The following ZDHHC11 variants were observed in gnomAD, a reference collection of about 807,000 sequenced individuals.
ZDHHC11 encodes zDHHC palmitoyltransferase 11.
Under a neutral mutation model 51.3 loss-of-function variants are expected in ZDHHC11, and 44 were observed. That is an observed-to-expected ratio of 0.86 (90% confidence interval 0.67 to 1.10). The LOEUF (loss-of-function observed/expected upper bound fraction) is 1.10, where lower values mean the gene tolerates loss of function less well. Ranked by LOEUF, ZDHHC11 falls within the 50% of genes least tolerant of loss-of-function variation. The pLI, the probability that ZDHHC11 is intolerant of heterozygous loss-of-function variation, is 0.00. For missense variants in ZDHHC11, 400 were observed against 537.7 expected (o/e 0.74, Z 2.53); for synonymous variants, 163 against 222.0 (o/e 0.73, Z 2.36).
In ZDHHC11 at chr5:840,124, G is replaced by C. The variant is rs541122309; in HGVS notation, c.784+371C>G. On this transcript the variant is annotated intron_variant, in intron 5 of 12. Transcript: ENST00000283441. ...GTTAGAATTTCTACTTGTGTTTTTG[G>C]AAGTCCACCTGTCCTTATTTCATAA... The C allele has an allele frequency of 1.5e-4, 89 of 610,248 alleles. 1 individual carries two copies. Among genetic ancestry groups the C allele is most frequent in the African/African-American group, 1.5e-3 (79 of 54,200 alleles). The allele number at this position is 610,248 out of a possible 1,614,324, so 37.8% of individuals were successfully genotyped here. A position where few individuals can be genotyped will look rare whatever the true frequency, so the allele number is the denominator to read the frequency against.
intron 1 of ZDHHC11, chr5:849,860 T>C (rs1431376075): frequency 6.3e-6 from 1 of 157,806 alleles, no homozygotes; most frequent in Non-Finnish European, 1.4e-5. Flanking sequence ...AGGGGTGGAG[T>C]GCGGGGCCCT....
At chr5:803,968 GATT>G (rs1738866366) in intron 11 of ZDHHC11, among the ~76,000 whole-genome samples, 11 of 148,654 alleles carry the variant, frequency 7.4e-5, no homozygotes, top group African/African-American at 1.2e-4. Flanking sequence ...AAAAAAAAAA[GATT>G]AAGGAAGATG....
At chr5:812,473 C>T (rs1436445458) in intron 11 of ZDHHC11, among the ~76,000 whole-genome samples, 2 of 151,468 alleles carry the variant, frequency 1.3e-5, no homozygotes, top group South Asian at 4.2e-4. Flanking sequence ...AAGAGAATGA[C>T]AATATGTTCA....
At chr5:860,147 G>A (rs1392137741), upstream of ZDHHC11, among the ~76,000 whole-genome samples, 3 of 152,218 alleles carry the variant, frequency 2.0e-5, no homozygotes, top group African/African-American at 4.8e-5. This position sits in a 1 kb window ranked among gnomAD's most constrained non-coding sequence, Gnocchi z 4.2. Context: ...CAGCTGGGCT[G>A]GGGCGGGTGC....
At chr5:856,531 TCACACAC>T (rs1438375552) in intron 1 of ZDHHC11, among the ~76,000 whole-genome samples, 1 of 132,608 alleles carries the variant, frequency 7.5e-6, no homozygotes, top group East Asian at 2.3e-4. Context: ...ACAAAACAGA[TCACACAC>T]CACACAACTC....
intron 8 of ZDHHC11, chr5:823,923 G>T (rs1208134389): frequency 4.6e-5 from 18 of 390,178 alleles, no homozygotes; most frequent in African/African-American, 3.7e-4. Flanking sequence ...GTGGGCTGGG[G>T]GCTCAATCGA....
upstream of ZDHHC11, among the ~76,000 whole-genome samples, chr5:859,461 C>A (rs1748675039): frequency 6.6e-6 from 1 of 152,000 alleles, no homozygotes; most frequent in Non-Finnish European, 1.5e-5. Context: ...TAAAAAAAAA[C>A]ACCTAAAACC....
chr5:843,327 T>A, intron 4 of ZDHHC11: 2 of 554,814 alleles, frequency 3.6e-6, no homozygotes, highest in South Asian at 2.0e-5. Context: ...GGGGCAGAGG[T>A]GGACCCCACT....
At chr5:852,915 C>T (rs1747484426), upstream of ZDHHC11, among the ~76,000 whole-genome samples, 1 of 148,470 alleles carries the variant, frequency 6.7e-6, no homozygotes, top group Admixed American at 6.7e-5. Flanking sequence ...GGACAGACCC[C>T]GCGGAGGACA....
At chr5:854,665 G>GC (rs1466376314), upstream of ZDHHC11, among the ~76,000 whole-genome samples, 6 of 150,160 alleles carry the variant, frequency 4.0e-5, no homozygotes, top group South Asian at 4.2e-4. Context: ...AGGACAGTGA[G>GC]CTGGGGGCAC....
chr5:846,103 G>A (rs892429537), intron 3 of ZDHHC11, among the ~76,000 whole-genome samples: 1 of 150,432 alleles, frequency 6.6e-6, no homozygotes. Context: ...CTTCTCCAGG[G>A]GAGGAGGCCG....
At chr5:849,002 C>G (rs1007872299) in intron 1 of ZDHHC11, among the ~76,000 whole-genome samples, 2 of 151,972 alleles carry the variant, frequency 1.3e-5, no homozygotes, top group African/African-American at 2.4e-5. Flanking sequence ...TCACATGGCC[C>G]TGCTCATCCA....
intron 10 of ZDHHC11, chr5:816,902 C>G (rs534604313): frequency 6.5e-5 from 28 of 429,042 alleles, no homozygotes; most frequent in Middle Eastern, 4.8e-4. Context: ...AAGTCTATGG[C>G]TGAATTTTTC....
At chr5:847,420 A>G (rs1746427028) in intron 3 of ZDHHC11, 94 bp downstream of exon 3, 2 of 1,546,544 alleles carry the variant, frequency 1.3e-6, no homozygotes, top group Non-Finnish European at 1.8e-6. Context: ...AGGACCCTCC[A>G]CCCTTTCAAC....
intron 8 of ZDHHC11, among the ~76,000 whole-genome samples, chr5:823,118 T>C (rs71593350): frequency 0.013 from 1,956 of 147,400 alleles, 38 homozygotes; most frequent in African/African-American, 0.048. Flanking sequence ...ATGGAAGAAA[T>C]AATTTTAAAT....
At chr5:820,199 GT>G (rs1741388104) in intron 9 of ZDHHC11, among the ~76,000 whole-genome samples, 1 of 150,874 alleles carries the variant, frequency 6.6e-6, no homozygotes, top group Non-Finnish European at 1.5e-5. Context: ...AAGCATTTTT[GT>G]ATTTTACTTA....
intron 11 of ZDHHC11, among the ~76,000 whole-genome samples, chr5:808,140 C>T (rs1297351219): frequency 6.7e-6 from 1 of 150,212 alleles, no homozygotes; most frequent in Non-Finnish European, 1.5e-5. Flanking sequence ...CCTTCTGAAT[C>T]TCTGGTGCCA....
chr5:797,881 T>C lies in ZDHHC11; in HGVS notation c.*8-1301A>G, dbSNP rs1273736242. On this transcript the variant is annotated intron_variant, in intron 12 of 12. Coordinates refer to ENST00000283441, the MANE Select transcript of ZDHHC11 (RefSeq NM_024786.3). Reference sequence around the variant, plus strand: ...CTTTGAGGCTTAGGATGAAGGTTTGTTACTCAGAAGGAATTATGCTTGGCT... The same window carrying C: ...CTTTGAGGCTTAGGATGAAGGTTTGCTACTCAGAAGGAATTATGCTTGGCT... 6.6e-5 allele frequency among the ~76,000 whole-genome samples: 10 copies of C among 150,702 alleles called. 1 individual carries two copies. In the Admixed American group the frequency reaches 6.7e-4, roughly 10 times the overall value.
chr5:816,486 G>A (rs1053103714), intron 10 of ZDHHC11: 10 of 497,754 alleles, frequency 2.0e-5, no homozygotes, highest in South Asian at 3.0e-5. Context: ...CTGGAAAAAC[G>A]GACAAGTGGG....
Sources: gnomAD v4.1 joint callset for allele counts (sites outside exome capture counted in the v4.1 genomes callset) on GRCh38, gnomAD v4.1.1 for gene constraint, Gnocchi (gnomAD v3.1) non-coding constraint, MANE v1.5 for transcripts, NCBI Gene and HGNC (gene_info 2026-07-23, HGNC 2026-07-21) for gene names.